Variants in COQ8B observed in about 807,000 individuals in gnomAD.
COQ8B encodes the protein atypical kinase COQ8B, mitochondrial.
COQ8B carries 44 observed loss-of-function variants against 62.0 expected under a neutral mutation model. The observed-to-expected ratio is 0.71, with a 90% CI of 0.56 to 0.91. The LOEUF is 0.91. Among genes scored for constraint, COQ8B ranks in the 40% least tolerant of loss-of-function variants. The pLI is 0.00. For missense variants in COQ8B, 649 were observed against 731.6 expected (o/e 0.89, Z 1.30); for synonymous variants, 252 against 289.9 (o/e 0.87, Z 1.33).
chr19:40,706,794 G>C (rs370049669), intron 5 of COQ8B, among the ~76,000 whole-genome samples: 32 of 152,312 alleles, frequency 2.1e-4, no homozygotes, highest in Non-Finnish European at 3.7e-4. Flanking sequence ...TAATATGGTA[G>C]ACATTGATAA....
rs1029200718 is a variant in COQ8B at position 40,702,529 on chromosome 19, C to T, written c.893+71G>A. 1.1e-5 allele frequency: 16 copies of T among 1,452,930 alleles called. No homozygotes were observed. In the East Asian group the frequency reaches 2.0e-4, roughly 19 times the overall value. The allele number at this position is 1,452,930 out of a possible 1,614,324, so 90.0% of individuals were successfully genotyped here. A position where few individuals can be genotyped will look rare whatever the true frequency, so the allele number is the denominator to read the frequency against. On this transcript the variant is annotated intron_variant, in intron 10 of 14. Coordinates refer to ENST00000324464, the MANE Select transcript of COQ8B (RefSeq NM_024876.4). ...ACCCCACAGCTCCAGCTGCCAGAAG[C>T]TGAGGGGGCAGCTACTTCCCACCCA...
rs767097657 is a variant in COQ8B at position 40,696,037 on chromosome 19, A to G, written c.1161T>C (p.Phe387=). 2 of 1,613,974 alleles carry G rather than the reference A, an allele frequency of 1.2e-6. No individual in the cohort carries two copies. The highest frequency in any genetic ancestry group is 1.3e-5 in the African/African-American group (1 of 74,882). ...CTGTCCCAAACTCCCGGCTTGCACC[A>G]AAGTCCAGCAGGGTCACCTGGAAGC... ...ASSHQVTLLD[F]GASREFGTEF... The change falls in exon 13 of 15, where the codon TTT becomes TTC. Residue 387 remains phenylalanine (F), a synonymous_variant. Transcript: ENST00000324464.
At chr19:40,695,126 T>C (rs2082003820) in intron 13 of COQ8B, among the ~76,000 whole-genome samples, 1 of 152,228 alleles carries the variant, frequency 6.6e-6, no homozygotes, top group East Asian at 1.9e-4. Flanking sequence ...GAGACCAGCC[T>C]GGGCAACATG....
At position 40,714,542 on chromosome 19, in the gene COQ8B, G is replaced by A. The variant is rs1011449524; in HGVS notation, c.91C>T (p.Pro31Ser). The A allele has an allele frequency of 3.1e-6, 5 of 1,613,498 alleles. No individual in the cohort carries two copies. The highest frequency in any genetic ancestry group is 3.3e-5 in the Admixed American group (2 of 59,856). The change falls in exon 2 of 15, where the codon CCC becomes TCC. Residue 31 changes from proline (P) to serine (S), a missense_variant. Physicochemically the swap from Pro to Ser is moderately conservative, Grantham distance 74. Transcript: ENST00000324464. The part of the protein sequence containing the change: ...GWPCGALGPG[P>S]HRWGPCGGSW... ...CCCTAGCCTCTTACCCAGCGGTGGGGCCCAGGCCCCAGGGCCCCACAAGGC... is the reference window on the plus strand; with the variant it reads ...CCCTAGCCTCTTACCCAGCGGTGGGACCCAGGCCCCAGGGCCCCACAAGGC...
rs1364194758 is a variant in COQ8B at position 40,702,640 on chromosome 19, A to G, written c.853T>C (p.Cys285Arg). The change falls in exon 10 of 15, where the codon TGT becomes CGT. Residue 285 changes from cysteine (C) to arginine (R), a missense_variant. Coordinates refer to ENST00000324464, the MANE Select transcript of COQ8B (RefSeq NM_024876.4). The part of the protein sequence containing the change: ...QALQQELAWE[C>R]DYRREAACAQ... Reference sequence around the variant, plus strand: ...CAAGCCGCCTCACGACGGTAGTCACACTCCCAAGCCAGCTCCTGCTGCAAG... The same window carrying G: ...CAAGCCGCCTCACGACGGTAGTCACGCTCCCAAGCCAGCTCCTGCTGCAAG... The G allele has an allele frequency of 1.2e-6, 2 of 1,612,100 alleles. No homozygotes were observed. Among genetic ancestry groups the G allele is most frequent in the African/African-American group, 1.3e-5 (1 of 74,944 alleles).
rs1050959239 is a variant in COQ8B at position 40,710,067 on chromosome 19, A to T, written c.359T>A (p.Leu120Gln). The T allele has an allele frequency of 6.2e-7, 1 of 1,613,886 alleles. No homozygotes were observed. The highest frequency in any genetic ancestry group is 1.3e-5 in the African/African-American group (1 of 75,050). The part of the protein sequence containing the change: ...MAKKSMPGGR[L>Q]QSEGGSGLDS... Reference sequence around the variant, plus strand: ...CAGTGTGGCTCACTCACCTGACTGCAGACGACCTCCTGGCATGGACTTCTT... The same window carrying T: ...CAGTGTGGCTCACTCACCTGACTGCTGACGACCTCCTGGCATGGACTTCTT... Residue 120 changes from leucine to glutamine, a missense_variant, in exon 5 of 15, where the codon CTG becomes CAG. Coordinates refer to ENST00000324464, the MANE Select transcript of COQ8B (RefSeq NM_024876.4).
chr19:40,703,485 T>C, intron 9 of COQ8B, 56 bp downstream of exon 9: 1 of 1,510,584 alleles, frequency 6.6e-7, no homozygotes, highest in Non-Finnish European at 8.9e-7. Flanking sequence ...TCCTGCTTTC[T>C]CTCTCTGGGC....
At position 40,703,855 on chromosome 19, in the gene COQ8B, T is replaced by C; in HGVS notation, c.577A>G (p.Arg193Gly). ...CTGCCGAGCTCCTCTTCAAGAACTC[T>C]CTGCGGGGAGTGGTCACAGCCATCA... The part of the protein sequence containing the change: ...ADFMPRWQML[R>G]VLEEELGRDW... Residue 193 changes from arginine (R) to glycine (G), a missense_variant and splice_region_variant, in exon 8 of 15, where the codon AGA becomes GGA. Transcript: ENST00000324464. The C allele has an allele frequency of 6.2e-7, 1 of 1,607,620 alleles. No homozygotes were observed. Among genetic ancestry groups the C allele is most frequent in the South Asian group, 1.1e-5 (1 of 90,538 alleles).
chr19:40,692,397 G>C, intron 14 of COQ8B, 24 bp from the exon 15 acceptor site: 1 of 1,604,580 alleles, frequency 6.2e-7, no homozygotes, highest in Non-Finnish European at 8.5e-7. Context: ...TGGGGGGAGA[G>C]CAAAGGCAGC....
chr19:40,713,746 G>A (rs1294139669), intron 4 of COQ8B, among the ~76,000 whole-genome samples: 2 of 146,954 alleles, frequency 1.4e-5, no homozygotes, highest in Admixed American at 6.7e-5. Flanking sequence ...TTACCCGGGC[G>A]GATGGTGCAC....
At position 40,692,270 on chromosome 19, in the gene COQ8B, T is replaced by C. The variant is rs2081977576; in HGVS notation, c.1400A>G (p.Gln467Arg). 1.2e-6 allele frequency: 2 copies of C among 1,613,448 alleles called. No individual in the cohort carries two copies. The highest frequency in any genetic ancestry group is 1.3e-5 in the African/African-American group (1 of 74,876). Residue 467 changes from glutamine (Q) to arginine (R), a missense_variant, in exon 15 of 15, where the codon CAG (glutamine) becomes CGG (arginine). Gln to Arg is a conservative substitution (Grantham distance 43). Transcript: ENST00000324464. The stretch of plus-strand genomic sequence containing the variant: ...CCGCAGCAGCACCGGGATGAGGTCC[T>C]GTATGCGGCGGGCCGTTTCCCCCGA... ...FGSGETARRIQDLIPVLLRHR... is the reference protein window; with the variant it reads ...FGSGETARRIRDLIPVLLRHR...
chr19:40,703,265 C>A, intron 9 of COQ8B: 2 of 442,444 alleles, frequency 4.5e-6, no homozygotes, highest in East Asian at 4.0e-5. Flanking sequence ...CACCTACAAT[C>A]CCGCTCCCTG....
At chr19:40,699,661 C>A (rs772595554) in intron 12 of COQ8B, among the ~76,000 whole-genome samples, 23 of 152,218 alleles carry the variant, frequency 1.5e-4, no homozygotes, top group Non-Finnish European at 2.8e-4. Context: ...CACCAGGAAC[C>A]ACTGCCTAGC....
At chr19:40,713,279 C>T (rs538929086) in intron 4 of COQ8B, among the ~76,000 whole-genome samples, 3 of 152,124 alleles carry the variant, frequency 2.0e-5, no homozygotes, top group East Asian at 3.9e-4. Context: ...CTGAGGCAGG[C>T]GGATCACAAA....
Position 40,692,063 on chromosome 19 carries a change from T to C in COQ8B, c.1607A>G (p.Lys536Arg). 2.5e-6 allele frequency: 4 copies of C among 1,606,916 alleles called. No homozygotes were observed. Among genetic ancestry groups the C allele is most frequent in the Non-Finnish European group, 3.4e-6 (4 of 1,176,960 alleles). The change falls in exon 15 of 15, where the codon AAA (lysine) becomes AGA (arginine). Residue 536 changes from lysine to arginine, a missense_variant. Transcript: ENST00000324464. ...TGAGGGATCCACCCAGGAGTCCCCT[T>C]TGGTGGGGAGGCTGCCGGCAGTGGC... ...DAATAGSLPT[K>R]GDSWVDPS
At chr19:40,703,337 C>T in intron 9 of COQ8B, 3 of 579,474 alleles carry the variant, frequency 5.2e-6, no homozygotes, top group Non-Finnish European at 9.1e-6. Flanking sequence ...CTCTCTAAGG[C>T]TCTGTTAAAA....
At chr19:40,696,812 T>G (rs1219890712) in intron 12 of COQ8B, among the ~76,000 whole-genome samples, 3 of 152,222 alleles carry the variant, frequency 2.0e-5, no homozygotes, top group Admixed American at 6.5e-5. Flanking sequence ...TTTCTATATT[T>G]TCTATGTATG....
intron 5 of COQ8B, among the ~76,000 whole-genome samples, chr19:40,708,465 A>G (rs2082116925): frequency 6.6e-6 from 1 of 152,234 alleles, no homozygotes; most frequent in South Asian, 2.1e-4. Flanking sequence ...CACACCTGGA[A>G]GTAAGAATTA....
At chr19:40,715,039 C>G (rs1398942827) in intron 1 of COQ8B, 9 of 996,348 alleles carry the variant, frequency 9.0e-6, no homozygotes, top group Non-Finnish European at 1.1e-5. Context: ...GCACCTCCCC[C>G]CGTTGCTAAG....
Sources: gnomAD v4.1 joint callset for allele counts (sites outside exome capture counted in the v4.1 genomes callset) on GRCh38, gnomAD v4.1.1 for gene constraint, MANE v1.5 for transcripts, NCBI Gene and HGNC (gene_info 2026-07-23, HGNC 2026-07-21) for gene names.